Variants in SEMA3A observed in about 807,000 individuals in gnomAD.
SEMA3A encodes semaphorin 3A, also known as semaphorin-3A.
A neutral mutation model predicts 97.9 loss-of-function variants in SEMA3A; 29 were observed. The observed-to-expected ratio is 0.30, with a 90% CI of 0.22 to 0.40. SEMA3A has a LOEUF of 0.40. Ranked by LOEUF, SEMA3A falls within the 10% of genes least tolerant of loss-of-function variation. The pLI is 1.00. For missense variants in SEMA3A, 763 were observed against 951.3 expected (o/e 0.80, Z 2.60); for synonymous variants, 321 against 323.7 (o/e 0.99, Z 0.09).
chr7:84,056,022 C>T (rs1012999842), intron 5 of SEMA3A, among the ~76,000 whole-genome samples: 10 of 152,008 alleles, frequency 6.6e-5, no homozygotes, highest in African/African-American at 1.9e-4. Context: ...ATCTTTAAGG[C>T]TCTCCAAAAA....
rs1436096751 is a variant in SEMA3A at position 84,091,127 on chromosome 7, AGAAAGAAAGAAGGAAGGAAG to A, written c.453+19323_453+19342del. Among the ~76,000 whole-genome samples the A allele has an allele frequency of 6.0e-4, 36 of 59,852 alleles. 1 individual carries two copies. Among genetic ancestry groups the A allele is most frequent in the African/African-American group, 1.7e-3 (35 of 20,066 alleles). 39.3% of individuals were successfully genotyped at this position (59,852 alleles called of 152,430 possible). On this transcript the variant is annotated intron_variant, in intron 4 of 16. Transcript: ENST00000265362. Reference sequence around the variant, plus strand: ...GAAAGAAAGAAAGAAAGAAAAAGAAAGAAAGAAAGAAGGAAGGAAGGAAGGAAGGAAGGAAGGAAGGAAAG... The same window carrying A: ...GAAAGAAAGAAAGAAAGAAAAAGAAAGAAGGAAGGAAGGAAGGAAGGAAAG...
At chr7:84,226,421 A>G (rs1798991199) in intron 3 of SEMA3A, among the ~76,000 whole-genome samples, 1 of 152,166 alleles carries the variant, frequency 6.6e-6, no homozygotes, top group African/African-American at 2.4e-5. Context: ...GAAATTCTGA[A>G]GCACTTTGAA....
At position 84,230,290 on chromosome 7, in the gene SEMA3A, T is replaced by C. The variant is rs553002210; in HGVS notation, c.-82-35622A>G. On this transcript the variant is annotated intron_variant, in intron 3 of 3. Transcript: ENST00000424555. Reference sequence around the variant, plus strand: ...TTTTCAGTCTAACAACTTTTAAAAATTATATTTTACCTCATTATCATGACT... The same window carrying C: ...TTTTCAGTCTAACAACTTTTAAAAACTATATTTTACCTCATTATCATGACT... 2.6e-5 allele frequency among the ~76,000 whole-genome samples: 4 copies of C among 152,114 alleles called. No individual in the cohort carries two copies. In the East Asian group the frequency reaches 7.7e-4, roughly 29 times the overall value.
intron 1 of SEMA3A, among the ~76,000 whole-genome samples, chr7:84,438,820 T>C (rs1805201361): frequency 6.6e-6 from 1 of 152,050 alleles, no homozygotes; most frequent in Admixed American, 6.6e-5. Context: ...GCCCATAGTC[T>C]ACATATTATA....
At position 83,960,277 on chromosome 7, in the gene SEMA3A, G is replaced by C. The variant is rs977740758; in HGVS notation, c.*1094C>G. 3 of 151,992 alleles carry C rather than the reference G, an allele frequency of 2.0e-5. No homozygotes were observed. Among genetic ancestry groups the C allele is most frequent in the Non-Finnish European group, 4.4e-5 (3 of 67,952 alleles). 9.4% of individuals were successfully genotyped at this position (151,992 alleles called of 1,614,324 possible). Reference sequence around the variant, plus strand: ...TCTATTAACAGTATATTAAGACAATGCTTATTATTTTCATGAAATATGCAG... The same window carrying C: ...TCTATTAACAGTATATTAAGACAATCCTTATTATTTTCATGAAATATGCAG... On this transcript the variant is annotated 3_prime_UTR_variant, in exon 17 of 17. Transcript: ENST00000265362.
intron 15 of SEMA3A, among the ~76,000 whole-genome samples, chr7:83,971,108 T>G (rs1179581598): frequency 6.6e-6 from 1 of 152,220 alleles, no homozygotes; most frequent in Non-Finnish European, 1.5e-5. Context: ...TTAACATTCA[T>G]GTATATTTTG....
At chr7:83,982,940 G>A (rs1465710197) in intron 13 of SEMA3A, among the ~76,000 whole-genome samples, 1 of 151,610 alleles carries the variant, frequency 6.6e-6, no homozygotes, top group Non-Finnish European at 1.5e-5. Flanking sequence ...AGTAAATAAG[G>A]GGAAATGTAA....
intron 4 of SEMA3A, among the ~76,000 whole-genome samples, chr7:84,109,844 A>G (rs963387279): frequency 6.6e-6 from 1 of 152,234 alleles, no homozygotes; most frequent in African/African-American, 2.4e-5. Flanking sequence ...TGCTTTCAAC[A>G]TTAGCAACCT....
chr7:84,357,648 C>G lies in SEMA3A; in HGVS notation c.-169+14176G>C, dbSNP rs536766895. On this transcript the variant is annotated intron_variant, in intron 2 of 3. Coordinates refer to the SEMA3A transcript ENST00000424555. ...TGATTTATAATCCTTTGGGTATATA[C>G]CCAGTAATGGGATGGCTGGGTCAGA... Among the ~76,000 whole-genome samples, 130 of 152,072 alleles carry G rather than the reference C, an allele frequency of 8.5e-4. 2 individuals carry two copies. In the South Asian group the frequency reaches 0.012, roughly 14 times the overall value.
At chr7:84,167,419 G>A (rs938256679) in intron 1 of SEMA3A, among the ~76,000 whole-genome samples, 4 of 152,076 alleles carry the variant, frequency 2.6e-5, no homozygotes, top group African/African-American at 7.2e-5. Context: ...CCTCTGACAT[G>A]GCCTGGTATC....
intron 3 of SEMA3A, among the ~76,000 whole-genome samples, chr7:84,279,819 T>C (rs564074964): frequency 6.6e-6 from 1 of 152,290 alleles, no homozygotes. Flanking sequence ...ATGTGTGATA[T>C]TGGCTGGATC....
intron 1 of SEMA3A, among the ~76,000 whole-genome samples, chr7:84,193,434 T>C (rs1410819797): frequency 6.6e-6 from 1 of 152,044 alleles, no homozygotes; most frequent in East Asian, 1.9e-4. Context: ...TAAGCTTAAT[T>C]AGAGCTTCTC....
chr7:84,479,039 G>A (rs1806374933), intron 1 of SEMA3A, among the ~76,000 whole-genome samples: 1 of 151,960 alleles, frequency 6.6e-6, no homozygotes, highest in Non-Finnish European at 1.5e-5. Flanking sequence ...TTGGACATCT[G>A]GAAAATACAT....
chr7:84,207,936 A>T (rs1335451438), intron 3 of SEMA3A, among the ~76,000 whole-genome samples: 1 of 152,160 alleles, frequency 6.6e-6, no homozygotes, highest in East Asian at 1.9e-4. Flanking sequence ...TCTTCCTAAG[A>T]TTATAAGGCA....
intron 1 of SEMA3A, among the ~76,000 whole-genome samples, chr7:84,187,272 A>G (rs1584101280): frequency 6.6e-6 from 1 of 152,212 alleles, no homozygotes; most frequent in East Asian, 1.9e-4. Flanking sequence ...ATTCAGATAC[A>G]ATAAGACTGA....
At chr7:84,052,539 T>C (rs2115630161) in intron 5 of SEMA3A, among the ~76,000 whole-genome samples, 1 of 152,304 alleles carries the variant, frequency 6.6e-6, no homozygotes, top group East Asian at 1.9e-4. Context: ...TTTGTATTTA[T>C]GTGGGATCGG....
chr7:84,056,793 T>A (rs1793001315), intron 5 of SEMA3A, among the ~76,000 whole-genome samples: 1 of 152,210 alleles, frequency 6.6e-6, no homozygotes, highest in African/African-American at 2.4e-5. Flanking sequence ...TATGTCTACA[T>A]GGTATAAAAT....
chr7:84,311,295 C>A lies in SEMA3A; in HGVS notation c.-168-4003G>T, dbSNP rs569917441. On this transcript the variant is annotated intron_variant, in intron 2 of 3. Coordinates refer to the SEMA3A transcript ENST00000424555. ...ACAGTGCCCTTCAGGGAGTTACATT[C>A]AAAAATATCTAACAAATATACACTT... is the stretch of plus-strand genomic sequence containing the variant. Among the ~76,000 whole-genome samples the A allele has an allele frequency of 1.5e-3, 222 of 151,862 alleles. 1 individual carries two copies. The highest frequency in any genetic ancestry group is 5.1e-3 in the African/African-American group (212 of 41,474).
chr7:84,257,186 C>T (rs1278664487), intron 3 of SEMA3A, among the ~76,000 whole-genome samples: 1 of 151,578 alleles, frequency 6.6e-6, no homozygotes, highest in East Asian at 1.9e-4. Context: ...CTAAATCACA[C>T]AAGATTTTTT....
Sources: gnomAD v4.1 joint callset for allele counts (sites outside exome capture counted in the v4.1 genomes callset) on GRCh38, gnomAD v4.1.1 for gene constraint, MANE v1.5 for transcripts, NCBI Gene and HGNC (gene_info 2026-07-23, HGNC 2026-07-21) for gene names.